The following ENTREP2 variants were observed in gnomAD, a reference collection of about 807,000 sequenced individuals.
The protein encoded by ENTREP2 is endosomal transmembrane epsin interactor 2.
chr15:29,478,771 G>T, the ENTREP2 span, among the ~76,000 whole-genome samples: 1 of 151,556 alleles, frequency 6.6e-6, no homozygotes, highest in Non-Finnish European at 1.5e-5. Flanking sequence ...TGGGCGTGGT[G>T]GTGGGCGCCT....
chr15:29,655,960 G>A, the ENTREP2 span, among the ~76,000 whole-genome samples: 4 of 150,412 alleles, frequency 2.7e-5, no homozygotes, highest in South Asian at 8.5e-4. Context: ...GGGAAGCGGA[G>A]GTTGCAGTGA....
chr15:29,401,151 C>T, the ENTREP2 span, among the ~76,000 whole-genome samples: 1 of 152,064 alleles, frequency 6.6e-6, no homozygotes, highest in East Asian at 1.9e-4. Flanking sequence ...CTGTCAAGCA[C>T]TGCATTTTGG....
the ENTREP2 span, among the ~76,000 whole-genome samples, chr15:29,343,202 G>C: frequency 6.6e-6 from 1 of 152,092 alleles, no homozygotes; most frequent in African/African-American, 2.4e-5. Context: ...TTATATGTCA[G>C]CTTGGCCAAG....
chr15:29,338,425 CAAAAAAA>C, the ENTREP2 span, among the ~76,000 whole-genome samples: 1 of 80,630 alleles, frequency 1.2e-5, no homozygotes, highest in Non-Finnish European at 2.7e-5. Context: ...GACTCCATCT[CAAAAAAA>C]AAAAAAAAAG....
the ENTREP2 span, among the ~76,000 whole-genome samples, chr15:29,458,404 G>C: frequency 6.6e-6 from 1 of 152,144 alleles, no homozygotes; most frequent in African/African-American, 2.4e-5. Context: ...TGTTTTACCA[G>C]CACCCCTAGC....
chr15:29,302,733 G>A, the ENTREP2 span, among the ~76,000 whole-genome samples: 30 of 152,218 alleles, frequency 2.0e-4, no homozygotes, highest in Admixed American at 1.6e-3. Context: ...AAAGAAGAAC[G>A]GTTTTGGAAC....
the ENTREP2 span, among the ~76,000 whole-genome samples, chr15:29,586,926 A>G: frequency 6.6e-6 from 1 of 152,170 alleles, no homozygotes; most frequent in Non-Finnish European, 1.5e-5. Context: ...TAGTATTAGC[A>G]TGGGGAGATA....
At chr15:29,346,473 C>T in the ENTREP2 span, among the ~76,000 whole-genome samples, 1 of 142,406 alleles carries the variant, frequency 7.0e-6, no homozygotes, top group Non-Finnish European at 1.5e-5. Context: ...AGAAGGGACC[C>T]AGGCAGGGGC....
At chr15:29,506,248 T>A in the ENTREP2 span, among the ~76,000 whole-genome samples, 1 of 152,208 alleles carries the variant, frequency 6.6e-6, no homozygotes, top group African/African-American at 2.4e-5. Context: ...CCAAGAAATA[T>A]GGGACTATGT....
the ENTREP2 span, among the ~76,000 whole-genome samples, chr15:29,654,259 G>A: frequency 1.4e-4 from 22 of 152,074 alleles, no homozygotes; most frequent in Admixed American, 3.9e-4. Flanking sequence ...TCAAACTTTC[G>A]CATTCATATC....
chr15:29,288,150 C>G, the ENTREP2 span, among the ~76,000 whole-genome samples: 1 of 152,162 alleles, frequency 6.6e-6, no homozygotes, highest in South Asian at 2.1e-4. Flanking sequence ...AGGAGAAAAA[C>G]TCTGTGACCC....
At chr15:29,441,761 G>GT in the ENTREP2 span, among the ~76,000 whole-genome samples, 4 of 151,854 alleles carry the variant, frequency 2.6e-5, no homozygotes, top group African/African-American at 9.7e-5. Context: ...ACCATCACCA[G>GT]TTTTTTCTTG....
At chr15:29,136,942 G>T in the ENTREP2 span, 2 of 1,103,952 alleles carry the variant, frequency 1.8e-6, no homozygotes, top group Non-Finnish European at 1.2e-6. Flanking sequence ...TGTTCTCACC[G>T]CCATGCCTGC....
the ENTREP2 span, among the ~76,000 whole-genome samples, chr15:29,634,967 C>T: frequency 6.6e-6 from 1 of 152,172 alleles, no homozygotes; most frequent in African/African-American, 2.4e-5. Context: ...CATCCAGCCT[C>T]CCGAGTAGCT....
At chr15:29,460,109 G>C in the ENTREP2 span, among the ~76,000 whole-genome samples, 1 of 146,944 alleles carries the variant, frequency 6.8e-6, no homozygotes, top group African/African-American at 2.5e-5. Flanking sequence ...TTTAATAGCT[G>C]GGTGTGGTGG....
At chr15:29,670,066 G>A in the ENTREP2 span, among the ~76,000 whole-genome samples, 28 of 152,234 alleles carry the variant, frequency 1.8e-4, no homozygotes, top group African/African-American at 5.8e-4. Context: ...CAAGTTTATC[G>A]CATCTTGTAT....
the ENTREP2 span, among the ~76,000 whole-genome samples, chr15:29,444,234 GAAAGAAAGAAAGAAAGAGAA>G: frequency 6.9e-6 from 1 of 144,088 alleles, no homozygotes; most frequent in African/African-American, 2.5e-5. Context: ...AAGAAAGAAA[GAAAGAAAGAAAGAAAGAGAA>G]AGAGAAAAGA....
chr15:29,327,297 T>C, the ENTREP2 span, among the ~76,000 whole-genome samples: 1 of 152,092 alleles, frequency 6.6e-6, no homozygotes, highest in Admixed American at 6.5e-5. Flanking sequence ...TGTCTAACTT[T>C]AAAAGAAGGT....
At chr15:29,477,541 T>C in the ENTREP2 span, among the ~76,000 whole-genome samples, 1 of 152,102 alleles carries the variant, frequency 6.6e-6, no homozygotes, top group Non-Finnish European at 1.5e-5. Flanking sequence ...CCCATTAAAT[T>C]TTTCAAGGAA....
Sources: allele counts gnomAD v4.1 joint callset (sites outside exome capture counted in the v4.1 genomes callset), GRCh38; gene constraint gnomAD v4.1.1; transcripts MANE v1.5; gene names NCBI Gene and HGNC (gene_info 2026-07-23, HGNC 2026-07-21).